HOXA7: variants seen among roughly 807,000 people sequenced by gnomAD.
The protein encoded by HOXA7 is homeobox protein Hox-A7.
A neutral mutation model predicts 16.8 loss-of-function variants in HOXA7; 16 were observed. The ratio of observed to expected loss-of-function variants is 0.95; its 90% CI spans 0.64 to 1.44. The LOEUF (loss-of-function observed/expected upper bound fraction) is 1.44. Among genes scored for constraint, HOXA7 ranks in the 40% most tolerant of loss-of-function variants. The probability of loss-of-function intolerance (pLI) is 0.00; values close to 1 mark genes in which losing one functional copy is unlikely to be tolerated. For synonymous variants in HOXA7, 169 were observed against 144.3 expected, an observed-to-expected ratio of 1.17 and a Z score of -1.23; for missense variants, 379 against 328.6, an observed-to-expected ratio of 1.15 and a Z score of -1.19.
At position 27,154,854 on chromosome 7, in the gene HOXA7, C is replaced by G. The variant is rs1177864304; in HGVS notation, c.*55G>C. 6.5e-7 allele frequency: 1 copy of G among 1,532,538 alleles called. No individual in the cohort carries two copies. The highest frequency in any genetic ancestry group is 8.8e-7 in the Non-Finnish European group (1 of 1,142,362). The allele number at this position is 1,532,538 out of a possible 1,614,324, so 94.9% of individuals were successfully genotyped here. ...ATTTTTGTAAGTAAAACCAGTGAGTCTCTTAAAGACGCTTTTCCGACTGTC... is the reference window on the plus strand; with the variant it reads ...ATTTTTGTAAGTAAAACCAGTGAGTGTCTTAAAGACGCTTTTCCGACTGTC... On this transcript the variant is annotated 3_prime_UTR_variant, in exon 2 of 2. Coordinates refer to ENST00000242159, the MANE Select transcript of HOXA7 (RefSeq NM_006896.4).
intron 1 of HOXA7, chr7:27,155,496 T>G: frequency 2.0e-6 from 1 of 497,734 alleles, no homozygotes; most frequent in Non-Finnish European, 3.6e-6. Context: ...GCTTCCACAA[T>G]GTCCTGCTTC....
Position 27,154,748 on chromosome 7 carries a change from G to A in HOXA7, c.*161C>T. On this transcript the variant is annotated 3_prime_UTR_variant, in exon 2 of 2. Coordinates refer to ENST00000242159, the MANE Select transcript of HOXA7 (RefSeq NM_006896.4). ...AAGTTGGGAGCTGGAGTAGGTGATG[G>A]GGGTGGGTAGAGTGCAGGTTGGGGA... 4.8e-6 allele frequency: 5 copies of A among 1,033,432 alleles called. No individual in the cohort carries two copies. The highest frequency in any genetic ancestry group is 6.8e-6 in the Non-Finnish European group (5 of 737,088). 64.0% of individuals were successfully genotyped at this position (1,033,432 alleles called of 1,614,324 possible). A position where few individuals can be genotyped will look rare whatever the true frequency, so the allele number is the denominator to read the frequency against.
intron 1 of HOXA7, 81 bp downstream of exon 1, chr7:27,156,086 C>T: frequency 1.5e-6 from 2 of 1,371,422 alleles, no homozygotes; most frequent in Non-Finnish European, 9.4e-7. Flanking sequence ...CCCCGCGCCC[C>T]GCGCTCCGCG....
rs368771286 is a variant in HOXA7 at position 27,154,980 on chromosome 7, C to A, written c.622G>T (p.Ala208Ser). 66 of 1,613,454 alleles carry A rather than the reference C, an allele frequency of 4.1e-5. No homozygotes were observed. Among genetic ancestry groups the A allele is most frequent in the Non-Finnish European group, 5.2e-5 (61 of 1,179,582 alleles). The change falls in exon 2 of 2, where the codon GCC (alanine) becomes TCC (serine). Residue 208 changes from alanine (A) to serine (S), a missense_variant. Transcript: ENST00000242159. ...GCCTTGTCCGCGGCAGCAGTGGCGG[C>A]GGCAGAGGGCACGGCGCCCTCGGGA... ...AAPEGAVPSA[A>S]ATAAADKADE...
chr7:27,154,865 G>T lies in HOXA7; in HGVS notation c.*44C>A, dbSNP rs780308242. 5 of 1,545,150 alleles carry T rather than the reference G, an allele frequency of 3.2e-6. No homozygotes were observed. The Admixed American group carries it at 6.5e-5, about 20-fold the overall frequency. The stretch of plus-strand genomic sequence containing the variant: ...TAAAACCAGTGAGTCTCTTAAAGAC[G>T]CTTTTCCGACTGTCCGGTGCAGAGA... On this transcript the variant is annotated 3_prime_UTR_variant, in exon 2 of 2. Coordinates refer to ENST00000242159, the MANE Select transcript of HOXA7 (RefSeq NM_006896.4).
At chr7:27,155,378 G>T in intron 1 of HOXA7, 156 bp from the exon 2 acceptor site, 2 of 680,598 alleles carry the variant, frequency 2.9e-6, no homozygotes, top group Admixed American at 2.8e-5. Context: ...GGGGAGGAGG[G>T]GGAGTGTTAG....
Position 27,154,041 on chromosome 7 carries a change from T to C in HOXA7, c.*868A>G, listed in dbSNP as rs1429663248. The C allele has an allele frequency of 6.6e-6, 1 of 152,404 alleles. No individual in the cohort carries two copies. The highest frequency in any genetic ancestry group is 2.4e-5 in the African/African-American group (1 of 41,464). 9.4% of individuals were successfully genotyped at this position (152,404 alleles called of 1,614,324 possible). On this transcript the variant is annotated 3_prime_UTR_variant, in exon 2 of 2. Transcript: ENST00000242159. ...ATTATAGGAAACATCAGGGCGTACA[T>C]ATTTAACACAGCTGAACAGTAAGAT...
In HOXA7 at chr7:27,154,798, T is replaced by A; in HGVS notation, c.*111A>T. On this transcript the variant is annotated 3_prime_UTR_variant, in exon 2 of 2. Transcript: ENST00000242159. The stretch of plus-strand genomic sequence containing the variant: ...ACTGGGTTGCTTTTTTGTTTTTGTT[T>A]TTGTTTTTTACATTTTCTTTTATTT... The A allele has an allele frequency of 7.0e-7, 1 of 1,437,806 alleles. No individual in the cohort carries two copies. The highest frequency in any genetic ancestry group is 9.1e-7 in the Non-Finnish European group (1 of 1,094,182). The allele number at this position is 1,437,806 out of a possible 1,614,324, so 89.1% of individuals were successfully genotyped here. A position where few individuals can be genotyped will look rare whatever the true frequency, so the allele number is the denominator to read the frequency against.
In HOXA7 at chr7:27,154,918, CTCGTCTTCCTCTTCTTCATCA is replaced by C. The variant is rs1172335808; in HGVS notation, c.663_683del (p.Asp221_Asp227del). On this transcript the variant is annotated inframe_deletion, in exon 2 of 2. Coordinates refer to ENST00000242159, the MANE Select transcript of HOXA7 (RefSeq NM_006896.4). Reference sequence around the variant, plus strand: ...GCCCCGGATCGGCCCCTCATTCCTCCTCGTCTTCCTCTTCTTCATCATCGTCCTCCTCGTCGGCCTTGTCCG... The same window carrying C: ...GCCCCGGATCGGCCCCTCATTCCTCCTCGTCCTCCTCGTCGGCCTTGTCCG... 2 of 1,608,588 alleles carry C rather than the reference CTCGTCTTCCTCTTCTTCATCA, an allele frequency of 1.2e-6. No homozygotes were observed. The highest frequency in any genetic ancestry group is 2.2e-5 in the South Asian group (2 of 90,918).
chr7:27,156,134 C>A, intron 1 of HOXA7, 33 bp downstream of exon 1: 1 of 1,449,780 alleles, frequency 6.9e-7, no homozygotes, highest in Non-Finnish European at 9.1e-7. Flanking sequence ...GGTCCCGCTC[C>A]GCCAGCCTGG....
In HOXA7 at chr7:27,154,810, A is replaced by G. The variant is rs543002504; in HGVS notation, c.*99T>C. ...TTTTGTTTTTGTTTTTGTTTTTTAC[A>G]TTTTCTTTTATTTTTCCCATTTTTG... is the stretch of plus-strand genomic sequence containing the variant. On this transcript the variant is annotated 3_prime_UTR_variant, in exon 2 of 2. Coordinates refer to ENST00000242159, the MANE Select transcript of HOXA7 (RefSeq NM_006896.4). 37 of 1,453,462 alleles carry G rather than the reference A, an allele frequency of 2.5e-5. No homozygotes were observed. In the African/African-American group the frequency reaches 3.4e-4, roughly 14 times the overall value. 90.0% of individuals were successfully genotyped at this position (1,453,462 alleles called of 1,614,324 possible). A position where few individuals can be genotyped will look rare whatever the true frequency, so the allele number is the denominator to read the frequency against.
At position 27,153,967 on chromosome 7, in the gene HOXA7, A is replaced by T. The variant is rs1387980985; in HGVS notation, c.*942T>A. 2 of 152,598 alleles carry T rather than the reference A, an allele frequency of 1.3e-5. No individual in the cohort carries two copies. The highest frequency in any genetic ancestry group is 2.9e-5 in the Non-Finnish European group (2 of 68,018). The allele number at this position is 152,598 out of a possible 1,614,324, so 9.5% of individuals were successfully genotyped here. A position where few individuals can be genotyped will look rare whatever the true frequency, so the allele number is the denominator to read the frequency against. On this transcript the variant is annotated 3_prime_UTR_variant, in exon 2 of 2. Transcript: ENST00000242159. The stretch of plus-strand genomic sequence containing the variant: ...CACTGCCTTACAAATGAACTCCAAG[A>T]CTATAGAAATGATAAAAAAAAATCT...
intron 1 of HOXA7, 163 bp downstream of exon 1, chr7:27,156,004 A>T: frequency 2.4e-6 from 2 of 846,426 alleles, no homozygotes; most frequent in Non-Finnish European, 3.3e-6. Context: ...CTCCGCTCCA[A>T]TTAAAACCAG....
rs1229977174 is a variant in HOXA7, at chr7:27,156,174, C to A, written c.372G>T (p.Arg124=). 2 of 1,560,416 alleles carry A rather than the reference C, an allele frequency of 1.3e-6. No individual in the cohort carries two copies. The highest frequency in any genetic ancestry group is 2.7e-5 in the African/African-American group (2 of 73,280). The change falls in exon 1 of 2, where the codon CGG becomes CGT. Residue 124 remains arginine, a synonymous_variant. Coordinates refer to ENST00000242159, the MANE Select transcript of HOXA7 (RefSeq NM_006896.4). Reference sequence around the variant, plus strand: ...CCTAGCGACTGCGCCTACCTGAAGACCGCATCCAGGGGTAGATGCGGAAAT... The same window carrying A: ...CCTAGCGACTGCGCCTACCTGAAGAACGCATCCAGGGGTAGATGCGGAAAT... ...EANFRIYPWM[R]SSGPDRKRGR... is the part of the protein sequence containing the mutation.
Position 27,156,273 on chromosome 7 carries a change from C to A in HOXA7, c.273G>T (p.Gly91=). 3 of 1,613,088 alleles carry A rather than the reference C, an allele frequency of 1.9e-6. No individual in the cohort carries two copies. The highest frequency in any genetic ancestry group is 2.5e-6 in the Non-Finnish European group (3 of 1,179,676). The change falls in exon 1 of 2, where the codon GGG becomes GGT. Residue 91 remains glycine (G), a synonymous_variant. Coordinates refer to ENST00000242159, the MANE Select transcript of HOXA7 (RefSeq NM_006896.4). ...PCASYDQNIP[G]LCSDLAKGAC... ...CGCCTTTGGCGAGGTCACTGCAGAGCCCGGGGATGTTTTGGTCGTAGGAGG... is the reference window on the plus strand; with the variant it reads ...CGCCTTTGGCGAGGTCACTGCAGAGACCGGGGATGTTTTGGTCGTAGGAGG...
Position 27,154,898 on chromosome 7 carries a change from G to A in HOXA7, c.*11C>T, listed in dbSNP as rs750085818. The A allele has an allele frequency of 1.9e-6, 3 of 1,601,792 alleles. No homozygotes were observed. The highest frequency in any genetic ancestry group is 2.6e-6 in the Non-Finnish European group (3 of 1,171,680). On this transcript the variant is annotated 3_prime_UTR_variant, in exon 2 of 2. Transcript: ENST00000242159. ...GACTGTCCGGTGCAGAGAGGGCCCC[G>A]GATCGGCCCCTCATTCCTCCTCGTC...
Position 27,156,186 on chromosome 7 carries a change from G to A in HOXA7, c.360C>T (p.Tyr120=), listed in dbSNP as rs768209601. The A allele has an allele frequency of 5.7e-6, 9 of 1,578,572 alleles. No individual in the cohort carries two copies. The highest frequency in any genetic ancestry group is 2.3e-5 in the East Asian group (1 of 43,242). Residue 120 remains tyrosine (Y), a synonymous_variant, in exon 1 of 2, where the codon TAC becomes TAT. Coordinates refer to ENST00000242159, the MANE Select transcript of HOXA7 (RefSeq NM_006896.4). ...HGAAEANFRI[Y]PWMRSSGPDR... Reference sequence around the variant, plus strand: ...GCCTACCTGAAGACCGCATCCAGGGGTAGATGCGGAAATTGGCCTCAGCCG... The same window carrying A: ...GCCTACCTGAAGACCGCATCCAGGGATAGATGCGGAAATTGGCCTCAGCCG...
Position 27,154,696 on chromosome 7 carries a change from C to G in HOXA7, c.*213G>C. ...GAGGCAGAGGGAATCCAAGGCGACCCAGTCTCTGCGGCCGCTCAGTCCACA... is the reference window on the plus strand; with the variant it reads ...GAGGCAGAGGGAATCCAAGGCGACCGAGTCTCTGCGGCCGCTCAGTCCACA... On this transcript the variant is annotated 3_prime_UTR_variant, in exon 2 of 2. Transcript: ENST00000242159. The G allele has an allele frequency of 3.0e-6, 2 of 677,166 alleles. No individual in the cohort carries two copies. Among genetic ancestry groups the G allele is most frequent in the South Asian group, 4.4e-5 (2 of 45,362 alleles). The allele number at this position is 677,166 out of a possible 1,614,324, so 41.9% of individuals were successfully genotyped here.
chr7:27,156,252 T>C lies in HOXA7; in HGVS notation c.294A>G (p.Lys98=), dbSNP rs545856769. ...CCTCGTCCGTCTTGTCGCAGGCGCC[T>C]TTGGCGAGGTCACTGCAGAGCCCGG... ...NIPGLCSDLA[K]GACDKTDEGA... is the part of the protein sequence containing the mutation. The change falls in exon 1 of 2, where the codon AAA becomes AAG. Residue 98 remains lysine (K), a synonymous_variant. Coordinates refer to ENST00000242159, the MANE Select transcript of HOXA7 (RefSeq NM_006896.4). The C allele has an allele frequency of 1.2e-6, 2 of 1,611,084 alleles. No individual in the cohort carries two copies. Among genetic ancestry groups the C allele is most frequent in the East Asian group, 2.2e-5 (1 of 44,796 alleles).
Sources: gnomAD v4.1 joint callset for allele counts on GRCh38, gnomAD v4.1.1 for gene constraint, MANE v1.5 for transcripts, NCBI Gene and HGNC (gene_info 2026-07-23, HGNC 2026-07-21) for gene names.